The following POLA1 variants were observed in gnomAD, a reference collection of about 807,000 sequenced individuals.
POLA1 encodes the protein DNA polymerase alpha catalytic subunit.
POLA1 carries 15 observed loss-of-function variants against 124.0 expected under a neutral mutation model. The observed-to-expected ratio is 0.12, with a 90% CI of 0.08 to 0.19. The LOEUF (loss-of-function observed/expected upper bound fraction) is 0.19, where lower values mean the gene tolerates loss of function less well. Among genes scored for constraint, POLA1 ranks in the 10% least tolerant of loss-of-function variants. POLA1 has a pLI of 1.00. For synonymous variants in POLA1, 408 were observed against 389.4 expected, an observed-to-expected ratio of 1.05 and a Z score of -0.56; for missense variants, 886 against 1,103.4, an observed-to-expected ratio of 0.80 and a Z score of 2.79.
At chrX:24,817,467 G>A (rs1011267251) in intron 30 of POLA1, among the ~76,000 whole-genome samples, 32 of 109,196 alleles carry the variant, frequency 2.9e-4, no homozygotes, top group African/African-American at 1.1e-3. Flanking sequence ...AATTAGCTGG[G>A]TGAGGTGGTA....
intron 26 of POLA1, among the ~76,000 whole-genome samples, chrX:24,784,460 G>C (rs939485161): frequency 9.1e-6 from 1 of 110,395 alleles, no homozygotes; most frequent in Non-Finnish European, 1.9e-5. Context: ...GAGGCGGGCC[G>C]ATCACCTGAG....
intron 35 of POLA1, among the ~76,000 whole-genome samples, chrX:24,912,951 C>G (rs1476057961): frequency 8.9e-6 from 1 of 111,968 alleles, no homozygotes; most frequent in Non-Finnish European, 1.9e-5. Flanking sequence ...AAGGTTGACA[C>G]TTGCTTATAA....
At chrX:24,975,292 G>A (rs1175728709) in intron 36 of POLA1, among the ~76,000 whole-genome samples, 1 of 112,500 alleles carries the variant, frequency 8.9e-6, no homozygotes, top group Non-Finnish European at 1.9e-5. Context: ...TTACAGGCGT[G>A]GGCCACCGCA....
At chrX:24,720,031 A>C (rs753907568) in intron 10 of POLA1, among the ~76,000 whole-genome samples, 2 of 111,119 alleles carry the variant, frequency 1.8e-5, no homozygotes, top group South Asian at 7.7e-4. Flanking sequence ...ACTGCCTACA[A>C]CATAAAGTCC....
chrX:24,749,057 T>C, intron 26 of POLA1, 65 bp downstream of exon 26: 3 of 903,769 alleles, frequency 3.3e-6, no homozygotes, highest in Non-Finnish European at 4.8e-6. Flanking sequence ...CATGTTATAG[T>C]GTGGGAGAGT....
intron 26 of POLA1, among the ~76,000 whole-genome samples, chrX:24,771,258 G>C (rs1325311549): frequency 9.0e-6 from 1 of 111,502 alleles, no homozygotes; most frequent in Non-Finnish European, 1.9e-5. Context: ...TCTAGGAAAA[G>C]TCTTCAGGTC....
intron 36 of POLA1, among the ~76,000 whole-genome samples, chrX:24,958,504 G>A (rs2048132849): frequency 8.9e-6 from 1 of 112,477 alleles, no homozygotes; most frequent in Non-Finnish European, 1.9e-5. Flanking sequence ...TGTATGTTGA[G>A]ATGTTAATCT....
chrX:24,959,553 G>A (rs748246412), intron 36 of POLA1, among the ~76,000 whole-genome samples: 51 of 110,513 alleles, frequency 4.6e-4, no homozygotes, highest in African/African-American at 1.5e-3. Flanking sequence ...TGCTGCCACC[G>A]TAGTTCAGGT....
At chrX:24,879,894 A>G (rs1207717845) in intron 34 of POLA1, among the ~76,000 whole-genome samples, 1 of 111,641 alleles carries the variant, frequency 9.0e-6, no homozygotes, top group Non-Finnish European at 1.9e-5. Flanking sequence ...CTAGGGGTAA[A>G]ATACAATTGC....
At chrX:24,851,513 T>C (rs2046561300) in intron 34 of POLA1, among the ~76,000 whole-genome samples, 1 of 113,262 alleles carries the variant, frequency 8.8e-6, no homozygotes, top group Non-Finnish European at 1.9e-5. Context: ...GTCACAAGGC[T>C]GACTGGGGCA....
intron 26 of POLA1, among the ~76,000 whole-genome samples, chrX:24,772,121 A>G (rs1332801004): frequency 1.8e-5 from 2 of 111,627 alleles, no homozygotes; most frequent in Non-Finnish European, 3.8e-5. Flanking sequence ...TTATGATTTC[A>G]GGAGATAGAT....
chrX:24,781,524 C>T (rs916698120), intron 26 of POLA1, among the ~76,000 whole-genome samples: 62 of 111,534 alleles, frequency 5.6e-4, no homozygotes, highest in African/African-American at 1.9e-3. Flanking sequence ...ATGGAATAAC[C>T]CCACTGGATA....
chrX:24,897,360 C>T (rs35213620), intron 35 of POLA1, among the ~76,000 whole-genome samples: 14 of 82,651 alleles, frequency 1.7e-4, no homozygotes, highest in Non-Finnish European at 2.7e-4. Context: ...CTTCACTGCC[C>T]CCCCCCCCAC....
rs1262377854 is a variant in POLA1 at position 24,855,629 on chromosome X, A to G, written c.4047+11952A>G. Among the ~76,000 whole-genome samples the G allele has an allele frequency of 6.2e-5, 7 of 112,134 alleles. No homozygotes were observed. The East Asian group carries it at 1.7e-3, about 27-fold the overall frequency. On this transcript the variant is annotated intron_variant, in intron 34 of 36. Coordinates refer to ENST00000379068, the MANE Select transcript of POLA1 (RefSeq NM_001330360.2). Reference sequence around the variant, plus strand: ...TCGTCACAAGAAAATTTCAGCTCTGAGGATTTGGGAAAGAAAACTAAATCA... The same window carrying G: ...TCGTCACAAGAAAATTTCAGCTCTGGGGATTTGGGAAAGAAAACTAAATCA...
rs980200539 is a variant in POLA1 at position 24,786,504 on chromosome X, A to T, written c.2965-23394A>T. 2.3e-3 allele frequency among the ~76,000 whole-genome samples: 251 copies of T among 108,085 alleles called. 2 individuals are homozygous for T. Among genetic ancestry groups the T allele is most frequent in the Non-Finnish European group, 3.8e-3 (199 of 52,231 alleles). 93.9% of individuals were successfully genotyped at this position (108,085 alleles called of 115,157 possible). On this transcript the variant is annotated intron_variant, in intron 26 of 36. Transcript: ENST00000379068. ...CTTTGCCCATTTATTTTTATTTTTT[A>T]TTTTTATTTTATTTTATTTTTAGGG...
intron 34 of POLA1, among the ~76,000 whole-genome samples, chrX:24,876,107 A>G (rs780276060): frequency 4.0e-4 from 45 of 112,232 alleles, no homozygotes; most frequent in African/African-American, 1.5e-3. Flanking sequence ...GTTGATTTTT[A>G]TATTAATTTC....
intron 34 of POLA1, among the ~76,000 whole-genome samples, chrX:24,852,070 A>G (rs2046569633): frequency 8.9e-6 from 1 of 112,161 alleles, no homozygotes; most frequent in Admixed American, 9.4e-5. Flanking sequence ...CTTTGTAGAT[A>G]GTTACAGATA....
intron 35 of POLA1, among the ~76,000 whole-genome samples, chrX:24,890,111 A>C (rs1384080596): frequency 1.0e-5 from 1 of 97,654 alleles, no homozygotes; most frequent in African/African-American, 3.9e-5. Context: ...TTTTTGAGAC[A>C]GAGTCTTACT....
At chrX:24,891,030 T>A (rs1034228066) in intron 35 of POLA1, among the ~76,000 whole-genome samples, 5 of 112,513 alleles carry the variant, frequency 4.4e-5, no homozygotes, top group African/African-American at 1.6e-4. Context: ...AGTTTTATGA[T>A]TGCATTCTTG....
Sources: allele counts gnomAD v4.1 joint callset (sites outside exome capture counted in the v4.1 genomes callset), GRCh38; gene constraint gnomAD v4.1.1; transcripts MANE v1.5; gene names NCBI Gene and HGNC (gene_info 2026-07-23, HGNC 2026-07-21).